The following FMN2 variants were observed in gnomAD, a reference collection of about 807,000 sequenced individuals.
FMN2 encodes formin-2.
In FMN2, 51 loss-of-function variants were observed where a neutral mutation model predicts 142.3. The observed-to-expected ratio is 0.36, with a 90% CI of 0.29 to 0.45. The LOEUF is 0.45. Among genes scored for constraint, FMN2 ranks in the 20% least tolerant of loss-of-function variants. The pLI, the probability that FMN2 is intolerant of heterozygous loss-of-function variation, is 1.00. For synonymous variants in FMN2, 882 were observed against 869.8 expected (o/e 1.01, Z -0.25); for missense variants, 1,936 against 2,122.8 (o/e 0.91, Z 1.73).
At chr1:240,382,348 A>G (rs1673252345) in intron 14 of FMN2, among the ~76,000 whole-genome samples, 1 of 150,560 alleles carries the variant, frequency 6.6e-6, no homozygotes, top group Admixed American at 6.6e-5. Context: ...AAATGAAAAA[A>G]CATTCTGACT....
chr1:240,376,335 T>C lies in FMN2; in HGVS notation c.4859-16176T>C, dbSNP rs372690731. Among the ~76,000 whole-genome samples the C allele has an allele frequency of 3.9e-5, 6 of 152,240 alleles. No individual in the cohort carries two copies. In the East Asian group the frequency reaches 5.8e-4, roughly 15 times the overall value. On this transcript the variant is annotated intron_variant, in intron 14 of 17. Transcript: ENST00000319653. ...ACATTTACATTTAATGTAGTAATGA[T>C]AGAGTTGAGTTTAATTTATGATCTT...
chr1:240,283,808 A>G (rs554783718), intron 7 of FMN2, among the ~76,000 whole-genome samples: 24 of 152,286 alleles, frequency 1.6e-4, no homozygotes, highest in Admixed American at 3.3e-4. Flanking sequence ...CTGGAGCTTG[A>G]AATTGCTATT....
intron 14 of FMN2, among the ~76,000 whole-genome samples, chr1:240,372,166 G>A (rs1407451190): frequency 2.0e-5 from 3 of 152,110 alleles, no homozygotes; most frequent in African/African-American, 7.2e-5. Flanking sequence ...AACCTGGGAG[G>A]CAGAGGTTTC....
intron 15 of FMN2, among the ~76,000 whole-genome samples, chr1:240,393,135 T>G (rs898431251): frequency 1.1e-4 from 17 of 151,598 alleles, no homozygotes; most frequent in Admixed American, 2.0e-4. Flanking sequence ...CCTCATTTTA[T>G]TGCACTTCTC....
Position 240,212,024 on chromosome 1 carries a change from G to A in FMN2, c.4065+789G>A, listed in dbSNP as rs150051919. Among the ~76,000 whole-genome samples, 150 of 152,004 alleles carry A rather than the reference G, an allele frequency of 9.9e-4. 1 individual carries two copies. The Middle Eastern group carries it at 0.014, about 14-fold the overall frequency. ...CTACATTTCTTAACTTTTGCAGGGTGGCAGGAAAGAGGTCTTGGAAGCAAA... is the reference window on the plus strand; with the variant it reads ...CTACATTTCTTAACTTTTGCAGGGTAGCAGGAAAGAGGTCTTGGAAGCAAA... On this transcript the variant is annotated intron_variant, in intron 6 of 17. Coordinates refer to ENST00000319653, the MANE Select transcript of FMN2 (RefSeq NM_020066.5).
intron 1 of FMN2, among the ~76,000 whole-genome samples, chr1:240,110,498 A>G (rs956224838): frequency 9.2e-5 from 14 of 152,246 alleles, no homozygotes; most frequent in African/African-American, 3.4e-4. Flanking sequence ...TCATTGTGCA[A>G]GAGGATTGCA....
intron 6 of FMN2, among the ~76,000 whole-genome samples, chr1:240,241,084 T>G (rs1667879096): frequency 6.6e-6 from 1 of 152,182 alleles, no homozygotes; most frequent in Non-Finnish European, 1.5e-5. Context: ...TTATAGTGCA[T>G]GTTACTGTGA....
intron 13 of FMN2, among the ~76,000 whole-genome samples, chr1:240,350,235 G>A (rs1221338983): frequency 6.6e-6 from 1 of 152,114 alleles, no homozygotes; most frequent in Non-Finnish European, 1.5e-5. Context: ...AATAAGTAAA[G>A]CAACAATTAC....
intron 8 of FMN2, among the ~76,000 whole-genome samples, chr1:240,321,053 G>C (rs1558431586): frequency 6.6e-6 from 1 of 152,108 alleles, no homozygotes. Flanking sequence ...TCTTCTGTGT[G>C]ATGAGGTGGG....
rs1664997279 is a variant in FMN2 at position 240,178,064 on chromosome 1, A to G, written c.1926A>G (p.Glu642=). 1 of 1,596,382 alleles carries G rather than the reference A, an allele frequency of 6.3e-7. No individual in the cohort carries two copies. Among genetic ancestry groups the G allele is most frequent in the African/African-American group, 1.4e-5 (1 of 74,022 alleles). ...PDEEHRLEDA[E]TESQSAVSET... is the part of the protein sequence containing the mutation. ...AGGAACACAGGCTCGAGGATGCTGA[A>G]ACAGGTAACCCTTTCCTTTGTCTTC... The change falls in exon 3 of 18, where the codon GAA becomes GAG. Residue 642 remains glutamate, a synonymous_variant. Coordinates refer to ENST00000319653, the MANE Select transcript of FMN2 (RefSeq NM_020066.5).
At chr1:240,253,046 T>C (rs767176664) in intron 6 of FMN2, among the ~76,000 whole-genome samples, 1 of 146,914 alleles carries the variant, frequency 6.8e-6, no homozygotes, top group Non-Finnish European at 1.5e-5. Context: ...TCTGACTCCC[T>C]GGTTCAAGCG....
intron 2 of FMN2, among the ~76,000 whole-genome samples, chr1:240,160,472 T>C (rs976963414): frequency 2.7e-5 from 4 of 149,196 alleles, no homozygotes; most frequent in Non-Finnish European, 5.9e-5. Flanking sequence ...ATATATACAT[T>C]ATATATAATG....
chr1:240,190,576 GAAAATGATTATATGAGTT>G (rs1217914431), intron 4 of FMN2, among the ~76,000 whole-genome samples: 3 of 152,108 alleles, frequency 2.0e-5, no homozygotes, highest in Non-Finnish European at 4.4e-5. Context: ...AACTGCTAAA[GAAAATGATTATATGAGTT>G]AAAATAACTT....
intron 2 of FMN2, among the ~76,000 whole-genome samples, chr1:240,159,679 TTTAAC>T (rs1354297697): frequency 2.0e-5 from 3 of 152,052 alleles, no homozygotes; most frequent in Non-Finnish European, 4.4e-5. Context: ...ACCTATTCTA[TTTAAC>T]CTAACCTGTT....
chr1:240,107,131 A>G (rs1011937674), intron 1 of FMN2, among the ~76,000 whole-genome samples: 2 of 151,986 alleles, frequency 1.3e-5, no homozygotes, highest in African/African-American at 4.8e-5. Flanking sequence ...AGCAGTTTGT[A>G]TGATTCAAGT....
At chr1:240,338,659 A>T (rs897905475) in intron 13 of FMN2, among the ~76,000 whole-genome samples, 1 of 152,130 alleles carries the variant, frequency 6.6e-6, no homozygotes, top group African/African-American at 2.4e-5. Context: ...TATACTGCCC[A>T]CCTGTTCATC....
At chr1:240,355,515 G>A (rs1672234937) in intron 13 of FMN2, among the ~76,000 whole-genome samples, 1 of 152,084 alleles carries the variant, frequency 6.6e-6, no homozygotes, top group South Asian at 2.1e-4. Context: ...CTGCTATCAT[G>A]CCCATTTTAC....
At chr1:240,430,846 G>A (rs901908022) in intron 15 of FMN2, among the ~76,000 whole-genome samples, 7 of 151,342 alleles carry the variant, frequency 4.6e-5, no homozygotes, top group Admixed American at 3.9e-4. Flanking sequence ...TATTAATGTA[G>A]CTTTATAATA....
chr1:240,323,464 G>A (rs1283740859), intron 8 of FMN2, among the ~76,000 whole-genome samples: 3 of 152,136 alleles, frequency 2.0e-5, no homozygotes, highest in Non-Finnish European at 4.4e-5. Flanking sequence ...CCAAAGTGCT[G>A]AGATTACAGG....
Sources: gnomAD v4.1 joint callset for allele counts (sites outside exome capture counted in the v4.1 genomes callset) on GRCh38, gnomAD v4.1.1 for gene constraint, MANE v1.5 for transcripts, NCBI Gene and HGNC (gene_info 2026-07-23, HGNC 2026-07-21) for gene names.